The following GRIP1 variants were observed in gnomAD, a reference collection of about 807,000 sequenced individuals.
GRIP1 encodes the protein glutamate receptor-interacting protein 1.
GRIP1 carries 45 observed loss-of-function variants against 129.9 expected under a neutral mutation model. That is an observed-to-expected ratio of 0.35 (90% CI 0.27 to 0.44). The LOEUF (loss-of-function observed/expected upper bound fraction) is 0.44, where lower values mean the gene tolerates loss of function less well. GRIP1 is among the 20% of genes least tolerant of loss of function. The probability of loss-of-function intolerance (pLI) is 1.00; values close to 1 mark genes in which losing one functional copy is unlikely to be tolerated. For missense variants in GRIP1, 1,196 were observed against 1,396.8 expected, an observed-to-expected ratio of 0.86 and a Z score of 2.29; for synonymous variants, 530 against 520.8, an observed-to-expected ratio of 1.02 and a Z score of -0.24.
chr12:66,412,312 T>C (rs561750450), intron 15 of GRIP1, among the ~76,000 whole-genome samples: 72 of 151,876 alleles, frequency 4.7e-4, no homozygotes, highest in Non-Finnish European at 9.4e-4. Context: ...GCCAGAAGAG[T>C]TTGGGGGCCA....
chr12:66,478,076 T>C (rs548013336), intron 7 of GRIP1, among the ~76,000 whole-genome samples: 2 of 152,220 alleles, frequency 1.3e-5, no homozygotes, highest in East Asian at 3.9e-4. Flanking sequence ...GAAACTACCG[T>C]CAGAGTGAAA....
intron 13 of GRIP1, among the ~76,000 whole-genome samples, chr12:66,439,137 T>C (rs898872249): frequency 9.2e-5 from 14 of 152,198 alleles, no homozygotes; most frequent in African/African-American, 3.1e-4. Flanking sequence ...GAATTGTGCT[T>C]GGCATGTGCA....
chr12:66,638,499 T>C (rs1394240342), intron 1 of GRIP1, among the ~76,000 whole-genome samples: 1 of 152,202 alleles, frequency 6.6e-6, no homozygotes, highest in Non-Finnish European at 1.5e-5. Flanking sequence ...GTACTGTTTC[T>C]TACTGCCCCA....
intron 1 of GRIP1, among the ~76,000 whole-genome samples, chr12:66,631,520 G>A (rs2030776801): frequency 6.6e-6 from 1 of 152,160 alleles, no homozygotes; most frequent in South Asian, 2.1e-4. Context: ...GAGTATAATA[G>A]CACTACTAAA....
At chr12:66,927,383 G>A (rs947786600) in intron 1 of GRIP1, among the ~76,000 whole-genome samples, 5 of 152,128 alleles carry the variant, frequency 3.3e-5, no homozygotes, top group Non-Finnish European at 7.3e-5. Context: ...CACTCCTCTA[G>A]AGCTTATAAT....
intron 7 of GRIP1, among the ~76,000 whole-genome samples, chr12:66,483,208 G>T (rs2059855365): frequency 6.6e-6 from 1 of 152,092 alleles, no homozygotes; most frequent in Admixed American, 6.5e-5. Context: ...CTTTCAACTT[G>T]CTCGTTAGTT....
chr12:66,846,821 G>C (rs867375849), intron 1 of GRIP1, among the ~76,000 whole-genome samples: 1 of 152,292 alleles, frequency 6.6e-6, no homozygotes, highest in Middle Eastern at 3.4e-3. Context: ...GGTCAGCCAC[G>C]GGGCAGAGGA....
intron 1 of GRIP1, among the ~76,000 whole-genome samples, chr12:66,872,624 T>C (rs958045745): frequency 4.6e-5 from 7 of 152,006 alleles, no homozygotes; most frequent in African/African-American, 1.7e-4. Flanking sequence ...AAAAAACATC[T>C]GGTGCTTCAA....
chr12:66,355,115 G>A (rs149621768), intron 23 of GRIP1, among the ~76,000 whole-genome samples: 13 of 152,188 alleles, frequency 8.5e-5, no homozygotes, highest in Non-Finnish European at 1.2e-4. Flanking sequence ...CTCAGGAGCC[G>A]GTGAAAATGC....
rs542671440 is a variant in GRIP1 at position 66,824,696 on chromosome 12, A to C, written c.59-227769T>G. Among the ~76,000 whole-genome samples the C allele has an allele frequency of 1.1e-3, 172 of 152,254 alleles. 2 individuals carry two copies. The highest frequency in any genetic ancestry group is 4.1e-3 in the African/African-American group (169 of 41,568). On this transcript the variant is annotated intron_variant, in intron 1 of 1. Coordinates refer to the GRIP1 transcript ENST00000643019. ...GGATAATTATAACCAAGAAAAGGCC[A>C]CTCGAAGTGAATTCACTTAGAAGCT...
intron 2 of GRIP1, among the ~76,000 whole-genome samples, chr12:66,591,289 T>C (rs1397740547): frequency 3.3e-5 from 5 of 152,244 alleles, no homozygotes; most frequent in Non-Finnish European, 7.3e-5. Flanking sequence ...ATTTAGCTAC[T>C]TTCTTAAATA....
chr12:66,524,441 C>A (rs1317960339), intron 5 of GRIP1, among the ~76,000 whole-genome samples: 1 of 151,950 alleles, frequency 6.6e-6, no homozygotes, highest in African/African-American at 2.4e-5. Flanking sequence ...GGGTACATAA[C>A]GAAATGAAGG....
At chr12:66,954,856 TG>T (rs1364766588) in intron 1 of GRIP1, among the ~76,000 whole-genome samples, 1 of 151,144 alleles carries the variant, frequency 6.6e-6, no homozygotes, top group Non-Finnish European at 1.5e-5. Flanking sequence ...GGGGAGGCAG[TG>T]GGGGTGCAAG....
chr12:66,651,128 T>C (rs1016664326), intron 1 of GRIP1, among the ~76,000 whole-genome samples: 3 of 152,200 alleles, frequency 2.0e-5, no homozygotes, highest in Non-Finnish European at 2.9e-5. Flanking sequence ...TCATGATGCA[T>C]ATACTTTTTG....
chr12:66,422,698 A>C (rs2057849934), intron 14 of GRIP1, among the ~76,000 whole-genome samples: 1 of 152,212 alleles, frequency 6.6e-6, no homozygotes. Context: ...TAGCACTATA[A>C]GGTCTTGGTC....
intron 2 of GRIP1, among the ~76,000 whole-genome samples, chr12:66,585,570 C>T (rs529211869): frequency 7.0e-6 from 1 of 143,088 alleles, no homozygotes; most frequent in Admixed American, 7.2e-5. Context: ...AATACGTGTG[C>T]ATGTGTCTTT....
chr12:67,065,918 C>A (rs2043616574), intron 1 of GRIP1, among the ~76,000 whole-genome samples: 1 of 152,210 alleles, frequency 6.6e-6, no homozygotes, highest in South Asian at 2.1e-4. Context: ...AGAAACATTT[C>A]TCTTCTCCTA....
In GRIP1 at chr12:66,463,075, C is replaced by T. The variant is rs745500891; in HGVS notation, c.891G>A (p.Val297=). The T allele has an allele frequency of 5.0e-6, 8 of 1,613,706 alleles. No homozygotes were observed. The highest frequency in any genetic ancestry group is 5.1e-6 in the Non-Finnish European group (6 of 1,179,712). The change falls in exon 9 of 25, where the codon GTG becomes GTA. Residue 297 remains valine (V), a synonymous_variant. Coordinates refer to ENST00000359742, the MANE Select transcript of GRIP1 (RefSeq NM_001366722.1). ...CATCGATGGAGAGGATGTGATCTCC[C>T]ACATGCAATGCGCCACATCTACGGA... is the stretch of plus-strand genomic sequence containing the variant. ...SIADRCGALH[V]GDHILSIDGT...
chr12:66,533,696 T>G (rs1031395781), intron 4 of GRIP1, among the ~76,000 whole-genome samples: 14 of 152,016 alleles, frequency 9.2e-5, no homozygotes, highest in Non-Finnish European at 1.8e-4. Context: ...GTTGGTAATA[T>G]TCTCTCTAAA....
Sources: gnomAD v4.1 joint callset for allele counts (sites outside exome capture counted in the v4.1 genomes callset) on GRCh38, gnomAD v4.1.1 for gene constraint, MANE v1.5 for transcripts, NCBI Gene and HGNC (gene_info 2026-07-23, HGNC 2026-07-21) for gene names.